The following ADGRV1 variants were observed in gnomAD, a reference collection of about 807,000 sequenced individuals.
The protein encoded by ADGRV1 is adhesion G protein-coupled receptor V1, also known as G-protein coupled receptor 98.
In ADGRV1, 359 loss-of-function variants were observed where a neutral mutation model predicts 596.2. The ratio of observed to expected loss-of-function variants is 0.60; its 90% CI spans 0.55 to 0.66. ADGRV1 has a LOEUF of 0.66. Ranked by LOEUF, ADGRV1 falls within the 30% of genes least tolerant of loss-of-function variation. The probability of loss-of-function intolerance (pLI) is 0.00; values close to 1 mark genes in which losing one functional copy is unlikely to be tolerated. For missense variants in ADGRV1, 7,274 were observed against 7,575.6 expected, an observed-to-expected ratio of 0.96 and a Z score of 1.48; for synonymous variants, 2,681 against 2,679.2, an observed-to-expected ratio of 1.00 and a Z score of -0.02.
At chr5:91,079,991 G>A (rs552091934) in intron 86 of ADGRV1, among the ~76,000 whole-genome samples, 2 of 152,078 alleles carry the variant, frequency 1.3e-5, no homozygotes, top group South Asian at 2.1e-4. Flanking sequence ...CACCCATTAC[G>A]ATTCACCATT....
rs971391128 is a variant in ADGRV1, at chr5:90,756,818, A to G, written c.11758-161A>G. On this transcript the variant is annotated intron_variant, in intron 56 of 89. Transcript: ENST00000405460. ...TTCAACAAGTTTACTTTCATTAAAT[A>G]TAAGAGTTCAGAAGACCTTTTATGC... The G allele has an allele frequency of 3.2e-5, 24 of 741,818 alleles. 1 individual carries two copies. The highest frequency in any genetic ancestry group is 9.1e-5 in the Admixed American group (3 of 32,988). The allele number at this position is 741,818 out of a possible 1,614,324, so 46.0% of individuals were successfully genotyped here. A position where few individuals can be genotyped will look rare whatever the true frequency, so the allele number is the denominator to read the frequency against.
chr5:90,754,395 G>A, intron 54 of ADGRV1, among the ~76,000 whole-genome samples: 1 of 152,132 alleles, frequency 6.6e-6, no homozygotes, highest in East Asian at 1.9e-4. Context: ...CAGCTTTCAA[G>A]TACCTTTCAT....
intron 85 of ADGRV1, among the ~76,000 whole-genome samples, chr5:91,015,618 C>A (rs1401603241): frequency 6.6e-6 from 1 of 151,844 alleles, no homozygotes; most frequent in Non-Finnish European, 1.5e-5. Context: ...TGAATTAAAC[C>A]CTTTACCAAT....
In ADGRV1 at chr5:90,832,353, T is replaced by C. The variant is rs116737067; in HGVS notation, c.16611+3167T>C. ...TGATTTGCATTTCTTTCATGATTAG[T>C]GATGTTGAGCACCTTTTCTTATCCC... On this transcript the variant is annotated intron_variant, in intron 77 of 89. Coordinates refer to ENST00000405460, the MANE Select transcript of ADGRV1 (RefSeq NM_032119.4). Among the ~76,000 whole-genome samples, 360 of 152,324 alleles carry C rather than the reference T, an allele frequency of 2.4e-3. 5 individuals carry two copies. The highest frequency in any genetic ancestry group is 8.4e-3 in the African/African-American group (351 of 41,590).
At chr5:91,052,538 G>C (rs1786439918) in intron 85 of ADGRV1, among the ~76,000 whole-genome samples, 1 of 151,552 alleles carries the variant, frequency 6.6e-6, no homozygotes, top group Admixed American at 6.6e-5. Flanking sequence ...GGGCTCAAAT[G>C]ATTATCGTGC....
intron 87 of ADGRV1, among the ~76,000 whole-genome samples, chr5:91,139,089 C>A (rs1794888686): frequency 6.6e-6 from 1 of 152,144 alleles, no homozygotes; most frequent in African/African-American, 2.4e-5. Flanking sequence ...AACTTCTTAT[C>A]TCTTCAGGGC....
chr5:91,094,010 C>T (rs1790620289), intron 86 of ADGRV1, among the ~76,000 whole-genome samples: 1 of 151,894 alleles, frequency 6.6e-6, no homozygotes, highest in Non-Finnish European at 1.5e-5. Context: ...CGCCACCACA[C>T]CCAGCTAATT....
intron 1 of ADGRV1, among the ~76,000 whole-genome samples, chr5:90,566,293 T>C (rs1375661239): frequency 1.3e-5 from 2 of 152,178 alleles, no homozygotes; most frequent in East Asian, 3.8e-4. Context: ...TTTTATAGTT[T>C]AAGCTTTTAC....
Position 90,863,870 on chromosome 5 carries a change from T to C in ADGRV1, c.17856+13T>C, listed in dbSNP as rs755477110. On this transcript the variant is annotated intron_variant, in intron 83 of 89. Transcript: ENST00000405460. ...CTTAGGTACACAGGTAGGAGAGCGC[T>C]GGCATTTTTGATTTATCGTGAGATG... The C allele has an allele frequency of 1.3e-6, 2 of 1,525,238 alleles. No individual in the cohort carries two copies. The highest frequency in any genetic ancestry group is 1.4e-5 in the African/African-American group (1 of 73,192). The allele number at this position is 1,525,238 out of a possible 1,614,324, so 94.5% of individuals were successfully genotyped here.
In ADGRV1 at chr5:90,694,653, G is replaced by A. The variant is rs1226985565; in HGVS notation, c.7897G>A (p.Glu2633Lys). 6.2e-7 allele frequency: 1 copy of A among 1,611,670 alleles called. No homozygotes were observed. ...EWRVVGGTAT[E>K]GLDFIGAGEI... The stretch of plus-strand genomic sequence containing the variant: ...GCGTGTTGTTGGTGGAACAGCTACT[G>A]AAGGTTTAGATTTTATAGGTGCTGG... Residue 2633 changes from glutamate (E) to lysine (K), a missense_variant, in exon 33 of 90, where the codon GAA becomes AAA. By Grantham distance (56) the Glu-to-Lys change is moderately conservative. Around this residue, in one of 5 missense-constraint regions of ADGRV1, gnomAD observed 3,643 missense variants for 3,809.2 expected, o/e 0.96. Coordinates refer to ENST00000405460, the MANE Select transcript of ADGRV1 (RefSeq NM_032119.4).
In ADGRV1 at chr5:90,694,430, A is replaced by G. The variant is rs1226310405; in HGVS notation, c.7674A>G (p.Pro2558=). 6 of 1,614,012 alleles carry G rather than the reference A, an allele frequency of 3.7e-6. No homozygotes were observed. Among genetic ancestry groups the G allele is most frequent in the Non-Finnish European group, 5.1e-6 (6 of 1,179,868 alleles). The change falls in exon 33 of 90, where the codon CCA becomes CCG. Residue 2558 remains proline, a synonymous_variant. Transcript: ENST00000405460. ...TTTCAGCCAGTTTGAAAAATCAGCCAACCATAGGACAGCCAAATATTTCTA... is the reference window on the plus strand; with the variant it reads ...TTTCAGCCAGTTTGAAAAATCAGCCGACCATAGGACAGCCAAATATTTCTA... ...MNISASLKNQ[P]TIGQPNISTV...
chr5:90,874,347 C>A (rs1038028082), intron 83 of ADGRV1, among the ~76,000 whole-genome samples: 3 of 152,204 alleles, frequency 2.0e-5, no homozygotes, highest in African/African-American at 7.2e-5. Context: ...CTCAGAGTGG[C>A]CTCCGCAAGA....
intron 70 of ADGRV1, among the ~76,000 whole-genome samples, chr5:90,795,782 C>T (rs1298101134): frequency 1.3e-5 from 2 of 152,188 alleles, no homozygotes; most frequent in South Asian, 2.1e-4. Context: ...CCCGCTGGGT[C>T]GAAGCTTCCA....
At chr5:90,620,694 T>A (rs947966860) in intron 4 of ADGRV1, among the ~76,000 whole-genome samples, 12 of 152,114 alleles carry the variant, frequency 7.9e-5, no homozygotes, top group Admixed American at 5.9e-4. Flanking sequence ...CTGAATGGTA[T>A]TGCCTAGGTT....
intron 25 of ADGRV1, among the ~76,000 whole-genome samples, chr5:90,677,598 A>G (rs184354141): frequency 3.3e-5 from 5 of 152,364 alleles, no homozygotes; most frequent in Admixed American, 6.5e-5. Flanking sequence ...CTGATTAATA[A>G]TTGTACATGA....
In ADGRV1 at chr5:90,810,946, T is replaced by C; in HGVS notation, c.15686T>C (p.Ile5229Thr). The change falls in exon 74 of 90, where the codon ATT (isoleucine) becomes ACT (threonine). Residue 5229 changes from isoleucine to threonine, a missense_variant. Transcript: ENST00000405460. ...AGCCTTGGGCCATCCATTGTTTATA[T>C]TGAAGAGGAGATGAAGAATGGCACA... ...TFSLGPSIVY[I>T]EEEMKNGTFN... 7 of 1,614,016 alleles carry C rather than the reference T, an allele frequency of 4.3e-6. No homozygotes were observed. Among genetic ancestry groups the C allele is most frequent in the Non-Finnish European group, 5.9e-6 (7 of 1,179,882 alleles).
intron 87 of ADGRV1, among the ~76,000 whole-genome samples, chr5:91,132,405 T>C (rs1794293023): frequency 6.6e-6 from 1 of 152,230 alleles, no homozygotes; most frequent in African/African-American, 2.4e-5. Context: ...TCTTCTCTCA[T>C]CATTTATTCA....
intron 83 of ADGRV1, among the ~76,000 whole-genome samples, chr5:90,880,194 C>A (rs1399083434): frequency 6.6e-6 from 1 of 152,060 alleles, no homozygotes; most frequent in Admixed American, 6.6e-5. Flanking sequence ...CTCATGATCC[C>A]ATAGCTATGA....
chr5:90,698,576 A>G (rs1747502129), intron 34 of ADGRV1, among the ~76,000 whole-genome samples: 1 of 152,180 alleles, frequency 6.6e-6, no homozygotes, highest in African/African-American at 2.4e-5. Context: ...AGTTGGAAGC[A>G]TAATGAATTT....
Sources: gnomAD v4.1 joint callset for allele counts (sites outside exome capture counted in the v4.1 genomes callset) on GRCh38, gnomAD v4.1.1 for gene constraint, gnomAD v4.1.1 regional missense constraint, MANE v1.5 for transcripts, NCBI Gene and HGNC (gene_info 2026-07-23, HGNC 2026-07-21) for gene names.